TSPAN18: variants seen among roughly 807,000 people sequenced by gnomAD.
TSPAN18 encodes tetraspanin-18.
TSPAN18 carries 14 observed loss-of-function variants against 27.3 expected under a neutral mutation model. That is an observed-to-expected ratio of 0.51 (90% confidence interval 0.34 to 0.80). The LOEUF is 0.80. TSPAN18 is among the 30% of genes least tolerant of loss of function. The pLI is 0.01. For synonymous variants in TSPAN18, 143 were observed against 136.5 expected (o/e 1.05, Z -0.33); for missense variants, 268 against 323.9 (o/e 0.83, Z 1.32).
chr11:44,728,970 G>A (rs1201572781), intron 1 of TSPAN18, among the ~76,000 whole-genome samples: 1 of 152,214 alleles, frequency 6.6e-6, no homozygotes, highest in Non-Finnish European at 1.5e-5. Flanking sequence ...GGTAACCTGT[G>A]CTCCTTGGGC....
intron 1 of TSPAN18, among the ~76,000 whole-genome samples, chr11:44,747,464 G>A (rs1036467666): frequency 6.6e-6 from 1 of 152,226 alleles, no homozygotes; most frequent in Non-Finnish European, 1.5e-5. Context: ...TATGAGGAGG[G>A]ACTGTTTGTA....
intron 2 of TSPAN18, among the ~76,000 whole-genome samples, chr11:44,840,267 G>A (rs1442761741): frequency 6.6e-6 from 1 of 152,138 alleles, no homozygotes; most frequent in Non-Finnish European, 1.5e-5. Context: ...CACCAGCCAG[G>A]GAGTGGGGGA....
rs1473107236 is a variant in TSPAN18 at position 44,918,154 on chromosome 11, C to T, written c.333+108C>T. On this transcript the variant is annotated intron_variant, in intron 6 of 9. Transcript: ENST00000520358. Reference sequence around the variant, plus strand: ...TGAAGGGTCTCAGAGAGTGGGCAGCCTCTCATCTGGCACTTCCAGCCCAAG... The same window carrying T: ...TGAAGGGTCTCAGAGAGTGGGCAGCTTCTCATCTGGCACTTCCAGCCCAAG... 5.1e-6 allele frequency: 6 copies of T among 1,174,594 alleles called. 1 individual carries two copies. The highest frequency in any genetic ancestry group is 7.4e-6 in the Non-Finnish European group (6 of 812,704). The allele number at this position is 1,174,594 out of a possible 1,614,324, so 72.8% of individuals were successfully genotyped here.
intron 2 of TSPAN18, among the ~76,000 whole-genome samples, chr11:44,838,696 G>A (rs955675556): frequency 3.3e-5 from 5 of 152,180 alleles, no homozygotes; most frequent in Non-Finnish European, 5.9e-5. Flanking sequence ...CATGAGTCAA[G>A]GAAGATGGCA....
intron 3 of TSPAN18, among the ~76,000 whole-genome samples, chr11:44,867,640 C>A (rs1858076568): frequency 6.6e-6 from 1 of 152,058 alleles, no homozygotes; most frequent in Non-Finnish European, 1.5e-5. Context: ...CTCAGGTGAT[C>A]CACCCTCCTC....
In TSPAN18 at chr11:44,815,978, C is replaced by T. The variant is rs561010352; in HGVS notation, c.-152-44350C>T. Among the ~76,000 whole-genome samples the T allele has an allele frequency of 2.4e-4, 37 of 152,278 alleles. 1 individual carries two copies. Among genetic ancestry groups the T allele is most frequent in the African/African-American group, 5.5e-4 (23 of 41,542 alleles). ...ATATCCAGAAAACAAAATCAGTGTC[C>T]GTGTGCAGCACAAATGCAGTGGGGA... On this transcript the variant is annotated intron_variant, in intron 2 of 9. Coordinates refer to ENST00000520358, the MANE Select transcript of TSPAN18 (RefSeq NM_130783.5).
chr11:44,798,609 CT>C lies in TSPAN18; in HGVS notation c.-153+34098del, dbSNP rs1245479933. Reference sequence around the variant, plus strand: ...ATTGCTAGCTTCAGTCTGGACCCCCCTGGGCAGCCCTCACCCCCTGCCCTCC... The same window carrying C: ...ATTGCTAGCTTCAGTCTGGACCCCCCGGGCAGCCCTCACCCCCTGCCCTCC... On this transcript the variant is annotated intron_variant, in intron 2 of 9. Coordinates refer to ENST00000520358, the MANE Select transcript of TSPAN18 (RefSeq NM_130783.5). Among the ~76,000 whole-genome samples, 9 of 152,192 alleles carry C rather than the reference CT, an allele frequency of 5.9e-5. No homozygotes were observed. In the East Asian group the frequency reaches 1.4e-3, roughly 23 times the overall value.
chr11:44,870,211 T>C (rs1858154977), intron 3 of TSPAN18, among the ~76,000 whole-genome samples: 1 of 152,170 alleles, frequency 6.6e-6, no homozygotes, highest in Non-Finnish European at 1.5e-5. Flanking sequence ...ATTTCCATCA[T>C]CCCCCAAAGA....
intron 1 of TSPAN18, among the ~76,000 whole-genome samples, chr11:44,751,893 C>T (rs1443493093): frequency 2.0e-5 from 3 of 151,472 alleles, no homozygotes; most frequent in Non-Finnish European, 4.4e-5. Flanking sequence ...CACCACCGCA[C>T]TCCAGCCTGG....
At chr11:44,929,051 C>A in intron 9 of TSPAN18, 80 bp from the exon 10 acceptor site, 1 of 1,570,416 alleles carries the variant, frequency 6.4e-7, no homozygotes, top group African/African-American at 1.4e-5. Context: ...CATTCACTCC[C>A]CTTCCCCTGG....
rs116509437 is a variant in TSPAN18, at chr11:44,865,029, C to T, written c.-11+4560C>T. Among the ~76,000 whole-genome samples the T allele has an allele frequency of 3.4e-3, 511 of 152,296 alleles. 3 individuals are homozygous for T. The highest frequency in any genetic ancestry group is 0.012 in the African/African-American group (485 of 41,546). ...GAATCGGTGTTGTCCCAGCCTCAGC[C>T]GGGGTGGTTGGACATACCAATCTCT... On this transcript the variant is annotated intron_variant, in intron 3 of 9. Coordinates refer to ENST00000520358, the MANE Select transcript of TSPAN18 (RefSeq NM_130783.5).
At chr11:44,869,391 T>G (rs1271211192) in intron 3 of TSPAN18, among the ~76,000 whole-genome samples, 5 of 152,216 alleles carry the variant, frequency 3.3e-5, no homozygotes, top group Non-Finnish European at 7.3e-5. Context: ...TCTGGTTTCC[T>G]TTAGTCTAAA....
chr11:44,918,070 C>T lies in TSPAN18; in HGVS notation c.333+24C>T, dbSNP rs199651174. 3.5e-5 allele frequency: 56 copies of T among 1,612,172 alleles called. 1 individual carries two copies. The highest frequency in any genetic ancestry group is 2.5e-4 in the East Asian group (11 of 44,874). On this transcript the variant is annotated intron_variant, in intron 6 of 9. Coordinates refer to ENST00000520358, the MANE Select transcript of TSPAN18 (RefSeq NM_130783.5). ...ATGTACGTATCAGGCCCCAAGCTTT[C>T]CTGCCTCCTGCTATCAGCAAGGGGT...
chr11:44,780,113 G>A (rs185634088), intron 2 of TSPAN18, among the ~76,000 whole-genome samples: 9 of 151,294 alleles, frequency 5.9e-5, no homozygotes, highest in African/African-American at 2.2e-4. Context: ...GAGCTCCTAC[G>A]CACCCACCCA....
chr11:44,866,075 G>A (rs1365083724), intron 3 of TSPAN18, among the ~76,000 whole-genome samples: 1 of 152,246 alleles, frequency 6.6e-6, no homozygotes, highest in Non-Finnish European at 1.5e-5. Context: ...CAGCACAATC[G>A]ATTGTTCCTG....
intron 2 of TSPAN18, among the ~76,000 whole-genome samples, chr11:44,767,808 T>G (rs1855604161): frequency 6.6e-6 from 1 of 152,220 alleles, no homozygotes; most frequent in Non-Finnish European, 1.5e-5. Context: ...TCAGTGTCAT[T>G]CTAGTGTATG....
In TSPAN18 at chr11:44,777,365, T is replaced by C. The variant is rs185031835; in HGVS notation, c.-153+12853T>C. 4.7e-4 allele frequency among the ~76,000 whole-genome samples: 72 copies of C among 152,300 alleles called. 1 individual carries two copies. The highest frequency in any genetic ancestry group is 1.6e-3 in the African/African-American group (68 of 41,552). On this transcript the variant is annotated intron_variant, in intron 2 of 9. Transcript: ENST00000520358. ...AGGCCACCTCATCTGGCCTCTGGGC[T>C]GCTGGCTCAGCCACCTCCTGGGTCC...
At chr11:44,914,999 T>C (rs1405125273) in intron 5 of TSPAN18, among the ~76,000 whole-genome samples, 2 of 152,214 alleles carry the variant, frequency 1.3e-5, no homozygotes, top group Non-Finnish European at 2.9e-5. Context: ...TGCGCAGTCA[T>C]CCTGGATGGC....
At chr11:44,905,994 C>T (rs1381518463) in intron 3 of TSPAN18, among the ~76,000 whole-genome samples, 1 of 152,182 alleles carries the variant, frequency 6.6e-6, no homozygotes, top group African/African-American at 2.4e-5. Context: ...TTGGTTTTCT[C>T]ATCTATGAAA....
Sources: gnomAD v4.1 joint callset for allele counts (sites outside exome capture counted in the v4.1 genomes callset) on GRCh38, gnomAD v4.1.1 for gene constraint, MANE v1.5 for transcripts, NCBI Gene and HGNC (gene_info 2026-07-23, HGNC 2026-07-21) for gene names.